Variants in IGF1R observed in about 807,000 individuals in gnomAD.
IGF1R encodes insulin-like growth factor 1 receptor.
Under a neutral mutation model 144.6 loss-of-function variants are expected in IGF1R, and 44 were observed. The ratio of observed to expected loss-of-function variants is 0.30; its 90% CI spans 0.24 to 0.39. The LOEUF is 0.39. Ranked by LOEUF, IGF1R falls within the 10% of genes least tolerant of loss-of-function variation. The pLI is 1.00. For synonymous variants in IGF1R, 795 were observed against 722.8 expected (o/e 1.10, Z -1.60); for missense variants, 1,355 against 1,833.7 (o/e 0.74, Z 4.77).
rs376389557 is a variant in IGF1R at position 98,889,374 on chromosome 15, G to A, written c.641-1951G>A. On this transcript the variant is annotated intron_variant, in intron 2 of 20. Transcript: ENST00000650285. ...ACTCTTGGAGGCAACTAGTGGGTGT[G>A]TAAACCGGTACAAACTTTCTAGAGG... Among the ~76,000 whole-genome samples the A allele has an allele frequency of 2.0e-5, 3 of 152,346 alleles. No individual in the cohort carries two copies. In the East Asian group the frequency reaches 5.8e-4, roughly 29 times the overall value.
In IGF1R at chr15:98,718,514, A is replaced by G. The variant is rs961711014; in HGVS notation, c.640+10407A>G. On this transcript the variant is annotated intron_variant, in intron 2 of 20. Coordinates refer to ENST00000650285, the MANE Select transcript of IGF1R (RefSeq NM_000875.5). The stretch of plus-strand genomic sequence containing the variant: ...ACCCTTCATGCAGAAGGTGGGGCTG[A>G]GGGCAGCCAGTGTGACTGAGGCTCG... 2.6e-5 allele frequency among the ~76,000 whole-genome samples: 4 copies of G among 152,296 alleles called. No individual in the cohort carries two copies. In the East Asian group the frequency reaches 7.7e-4, roughly 29 times the overall value.
At chr15:98,945,529 G>A (rs780175923) in intron 19 of IGF1R, among the ~76,000 whole-genome samples, 1 of 152,092 alleles carries the variant, frequency 6.6e-6, no homozygotes, top group African/African-American at 2.4e-5. Context: ...TCCATGAAAT[G>A]GAAGACTTGA....
At chr15:98,809,232 G>A (rs1329275786) in intron 2 of IGF1R, among the ~76,000 whole-genome samples, 1 of 152,250 alleles carries the variant, frequency 6.6e-6, no homozygotes, top group Non-Finnish European at 1.5e-5. Flanking sequence ...GTGGCACAGA[G>A]ATTTGCTGTC....
intron 2 of IGF1R, among the ~76,000 whole-genome samples, chr15:98,795,139 T>TAAAG (rs3076061): frequency 0.95 from 144,106 of 152,096 alleles, 68,446 homozygotes; most frequent in Middle Eastern, 0.98. Context: ...AGTGGGAAAA[T>TAAAG]ATTGACTATT....
chr15:98,741,396 T>G (rs1357424540), intron 2 of IGF1R, among the ~76,000 whole-genome samples: 4 of 152,132 alleles, frequency 2.6e-5, no homozygotes, highest in Non-Finnish European at 5.9e-5. Context: ...TTGGAAATAG[T>G]TTTGCCATTT....
intron 2 of IGF1R, among the ~76,000 whole-genome samples, chr15:98,886,645 T>G (rs2013657250): frequency 6.6e-6 from 1 of 152,098 alleles, no homozygotes. Flanking sequence ...AATTGGAAAT[T>G]TGGTAGTACT....
intron 19 of IGF1R, among the ~76,000 whole-genome samples, chr15:98,947,905 C>T (rs1472321692): frequency 6.6e-6 from 1 of 152,172 alleles, no homozygotes; most frequent in Non-Finnish European, 1.5e-5. Context: ...TCTCCCTTGG[C>T]CCAACTGGAC....
chr15:98,859,633 G>C (rs887762870), intron 2 of IGF1R, among the ~76,000 whole-genome samples: 1 of 152,148 alleles, frequency 6.6e-6, no homozygotes, highest in Non-Finnish European at 1.5e-5. Context: ...TTGCAAGCTT[G>C]TGCATTTCTC....
intron 1 of IGF1R, among the ~76,000 whole-genome samples, chr15:98,692,347 AAAG>A (rs1334761285): frequency 6.6e-6 from 1 of 152,076 alleles, no homozygotes; most frequent in Non-Finnish European, 1.5e-5. Flanking sequence ...CCAAAGAAAA[AAAG>A]AAGATTGATT....
intron 20 of IGF1R, chr15:98,953,134 G>C (rs1039813113): frequency 6.6e-6 from 1 of 152,356 alleles, no homozygotes; most frequent in Non-Finnish European, 1.5e-5. Context: ...TGAGTTGTGT[G>C]GTTCTGAGAT....
At chr15:98,733,361 T>C (rs895578913) in intron 2 of IGF1R, among the ~76,000 whole-genome samples, 6 of 152,124 alleles carry the variant, frequency 3.9e-5, no homozygotes, top group African/African-American at 1.4e-4. Flanking sequence ...GTTGGGACTA[T>C]AGGTGCATAC....
At chr15:98,739,070 T>C (rs2054677707) in intron 2 of IGF1R, among the ~76,000 whole-genome samples, 1 of 152,214 alleles carries the variant, frequency 6.6e-6, no homozygotes, top group African/African-American at 2.4e-5. Flanking sequence ...ACATTGGTTA[T>C]AAGTGAGTGT....
intron 2 of IGF1R, among the ~76,000 whole-genome samples, chr15:98,817,067 C>A (rs907312031): frequency 6.6e-6 from 1 of 152,158 alleles, no homozygotes; most frequent in African/African-American, 2.4e-5. Context: ...CTTTGGGAGG[C>A]CAAGACAGGC....
At chr15:98,794,786 A>G (rs1369896725) in intron 2 of IGF1R, among the ~76,000 whole-genome samples, 1 of 152,224 alleles carries the variant, frequency 6.6e-6, no homozygotes, top group Non-Finnish European at 1.5e-5. Flanking sequence ...ATACCAAGTG[A>G]TCTGAATTCA....
chr15:98,806,202 A>G (rs765899905), intron 2 of IGF1R, among the ~76,000 whole-genome samples: 2 of 152,168 alleles, frequency 1.3e-5, no homozygotes, highest in Non-Finnish European at 2.9e-5. Flanking sequence ...TGAAGGCTCT[A>G]TGTCCAGAGT....
At chr15:98,742,037 A>C (rs1259896844) in intron 2 of IGF1R, among the ~76,000 whole-genome samples, 1 of 152,234 alleles carries the variant, frequency 6.6e-6, no homozygotes, top group Non-Finnish European at 1.5e-5. Context: ...TTGTGAGGCA[A>C]GGGAACTTGA....
At position 98,901,455 on chromosome 15, in the gene IGF1R, C is replaced by T. The variant is rs564790322; in HGVS notation, c.1247+1834C>T. 6.2e-4 allele frequency among the ~76,000 whole-genome samples: 94 copies of T among 152,332 alleles called. 3 individuals carry two copies. Among genetic ancestry groups the T allele is most frequent in the Admixed American group, 4.4e-3 (68 of 15,300 alleles). On this transcript the variant is annotated intron_variant, in intron 5 of 20. Transcript: ENST00000650285. ...ACCACAAAGGTATAGCCCATCCTCA[C>T]GATGATGAGCTCCCCAAGAGCTCTG...
At chr15:98,658,677 G>A (rs1451332948) in intron 1 of IGF1R, among the ~76,000 whole-genome samples, 1 of 152,152 alleles carries the variant, frequency 6.6e-6, no homozygotes, top group African/African-American at 2.4e-5. Flanking sequence ...ACATTTCCAA[G>A]TCAAATTCCT....
At chr15:98,818,311 G>C (rs563449583) in intron 2 of IGF1R, among the ~76,000 whole-genome samples, 9 of 152,262 alleles carry the variant, frequency 5.9e-5, no homozygotes, top group African/African-American at 1.9e-4. Context: ...AGGGTCTGTA[G>C]GCCATGGCAA....
Sources: allele counts gnomAD v4.1 joint callset (sites outside exome capture counted in the v4.1 genomes callset), GRCh38; gene constraint gnomAD v4.1.1; transcripts MANE v1.5; gene names NCBI Gene and HGNC (gene_info 2026-07-23, HGNC 2026-07-21).